Variants in SH3BP5 observed in about 807,000 individuals in gnomAD.
SH3BP5 encodes SH3 domain binding protein 5.
A neutral mutation model predicts 43.3 loss-of-function variants in SH3BP5; 22 were observed. That is an observed-to-expected ratio of 0.51 (90% CI 0.36 to 0.73). SH3BP5 has a LOEUF of 0.73. Ranked by LOEUF, SH3BP5 falls within the 30% of genes least tolerant of loss-of-function variation. SH3BP5 has a pLI of 0.00. For synonymous variants in SH3BP5, 255 were observed against 225.8 expected (o/e 1.13, Z -1.16); for missense variants, 529 against 586.9 (o/e 0.90, Z 1.02).
intron 2 of SH3BP5, among the ~76,000 whole-genome samples, chr3:15,323,163 T>TAAATAAATAAATAAAG (rs1481281253): frequency 1.4e-5 from 2 of 144,056 alleles, no homozygotes; most frequent in African/African-American, 5.1e-5. Context: ...AATAAATAAA[T>TAAATAAATAAATAAAG]AAAGCAGGGC....
rs112487644 is a variant in SH3BP5 at position 15,266,368 on chromosome 3, C to T, written c.495+3345G>A. ...ACCAGGAGAAGGGCTGGCCCTGCGT[C>T]GTGTCCTCTCCAGCAGCCACCTGGG... is the stretch of plus-strand genomic sequence containing the variant. On this transcript the variant is annotated intron_variant, in intron 4 of 8. Transcript: ENST00000383791. Among the ~76,000 whole-genome samples the T allele has an allele frequency of 1.3e-4, 20 of 152,338 alleles. 1 individual carries two copies. Among genetic ancestry groups the T allele is most frequent in the African/African-American group, 4.1e-4 (17 of 41,580 alleles).
intron 2 of SH3BP5, among the ~76,000 whole-genome samples, chr3:15,324,856 CA>C (rs373214083): frequency 0.17 from 19,275 of 114,124 alleles, 1,181 homozygotes; most frequent in East Asian, 0.24. Flanking sequence ...TCCTTGGGTC[CA>C]AAAAAAAAAA....
chr3:15,320,853 C>G (rs757407325), intron 2 of SH3BP5, among the ~76,000 whole-genome samples: 8 of 152,150 alleles, frequency 5.3e-5, no homozygotes, highest in Non-Finnish European at 1.0e-4. Context: ...ACCTTGAATA[C>G]AGCTGGGGAT....
intron 3 of SH3BP5, among the ~76,000 whole-genome samples, chr3:15,294,332 C>CGTGTGTGTGTGTATGTGTGT (rs1430741519): frequency 1.5e-5 from 2 of 133,736 alleles, no homozygotes; most frequent in African/African-American, 6.3e-5. Context: ...TGTGTGTGTG[C>CGTGTGTGTGTGTATGTGTGT]GCGCGCATGT....
At position 15,332,399 on chromosome 3, in the gene SH3BP5, C is replaced by G; in HGVS notation, c.10G>C (p.Ala4Pro). MDA[A>P]LKRSRSEEPA... ...TCCTCCGAGCGGCTCCGCTTCAGTGCCGCGTCCATGCAGGCAGCCGGCACG... is the reference window on the plus strand; with the variant it reads ...TCCTCCGAGCGGCTCCGCTTCAGTGGCGCGTCCATGCAGGCAGCCGGCACG... The change falls in exon 1 of 9, where the codon GCA becomes CCA. Residue 4 changes from alanine (A) to proline (P), a missense_variant. By Grantham distance (27) the Ala-to-Pro change is conservative (BLOSUM62 -1). Coordinates refer to ENST00000383791, the MANE Select transcript of SH3BP5 (RefSeq NM_004844.5). 6.5e-7 allele frequency: 1 copy of G among 1,535,520 alleles called. No individual in the cohort carries two copies. Among genetic ancestry groups the G allele is most frequent in the Non-Finnish European group, 8.7e-7 (1 of 1,146,312 alleles).
At chr3:15,272,113 A>G (rs756506282) in intron 3 of SH3BP5, among the ~76,000 whole-genome samples, 5 of 152,218 alleles carry the variant, frequency 3.3e-5, no homozygotes, top group Non-Finnish European at 5.9e-5. Flanking sequence ...GGAAGTCTTC[A>G]GAAACCACAG....
intron 1 of SH3BP5, among the ~76,000 whole-genome samples, chr3:15,340,268 A>G (rs538941030): frequency 6.6e-5 from 10 of 152,380 alleles, no homozygotes; most frequent in African/African-American, 2.2e-4. Flanking sequence ...TTACTCTGGA[A>G]GATAAAACTT....
At chr3:15,303,208 A>G (rs1221787969) in intron 3 of SH3BP5, among the ~76,000 whole-genome samples, 1 of 152,228 alleles carries the variant, frequency 6.6e-6, no homozygotes, top group Non-Finnish European at 1.5e-5. Flanking sequence ...GTCATTTGCT[A>G]GTGAACTACA....
intron 3 of SH3BP5, among the ~76,000 whole-genome samples, chr3:15,294,091 A>AG (rs1283846045): frequency 2.0e-5 from 3 of 151,464 alleles, no homozygotes; most frequent in African/African-American, 4.9e-5. Flanking sequence ...AAAAAAAAAA[A>AG]AAAAGAAAAG....
At chr3:15,280,398 A>T (rs1336153312) in intron 3 of SH3BP5, among the ~76,000 whole-genome samples, 1 of 152,154 alleles carries the variant, frequency 6.6e-6, no homozygotes, top group Non-Finnish European at 1.5e-5. Context: ...ACCCCACAAC[A>T]GCACCCCAGG....
chr3:15,294,290 A>AGTGTGTGTGT (rs10522979), intron 3 of SH3BP5, among the ~76,000 whole-genome samples: 3 of 138,234 alleles, frequency 2.2e-5, no homozygotes, highest in African/African-American at 5.4e-5. Flanking sequence ...TGCAAAAGTA[A>AGTGTGTGTGT]GTGTGTGTGT....
In SH3BP5 at chr3:15,321,249, A is replaced by T. The variant is rs1575348328; in HGVS notation, c.201+9255T>A. Reference sequence around the variant, plus strand: ...TAATATTTGGAATGTTTTCCATTATATCTTGATTTATTGTATTTTCTAAAT... The same window carrying T: ...TAATATTTGGAATGTTTTCCATTATTTCTTGATTTATTGTATTTTCTAAAT... On this transcript the variant is annotated intron_variant, in intron 2 of 8. Transcript: ENST00000383791. 2.0e-5 allele frequency among the ~76,000 whole-genome samples: 3 copies of T among 152,308 alleles called. No individual in the cohort carries two copies. In the South Asian group the frequency reaches 6.2e-4, roughly 32 times the overall value.
chr3:15,311,961 C>T (rs1320065262), intron 2 of SH3BP5, among the ~76,000 whole-genome samples: 1 of 152,144 alleles, frequency 6.6e-6, no homozygotes, highest in African/African-American at 2.4e-5. Context: ...TGAGCCACTG[C>T]AACCAGCCAT....
Position 15,258,906 on chromosome 3 carries a change from C to G in SH3BP5, c.814G>C (p.Gly272Arg). ...RSSAMGPRGC[G>R]VGAEGSSTSV... ...GTGCTGCTGCCCTCAGCACCAACAC[C>G]GCATCCCCGAGGCCCCATGGCACTG... is the stretch of plus-strand genomic sequence containing the variant. The change falls in exon 7 of 9, where the codon GGT becomes CGT. Residue 272 changes from glycine to arginine, a missense_variant. Transcript: ENST00000383791. The G allele has an allele frequency of 1.2e-6, 2 of 1,614,232 alleles. No individual in the cohort carries two copies. Among genetic ancestry groups the G allele is most frequent in the Non-Finnish European group, 1.7e-6 (2 of 1,180,042 alleles).
intron 3 of SH3BP5, among the ~76,000 whole-genome samples, chr3:15,298,479 G>A (rs999650685): frequency 2.0e-5 from 3 of 152,106 alleles, no homozygotes; most frequent in African/African-American, 4.8e-5. Context: ...TAAATAATCC[G>A]CACTATTTTG....
chr3:15,281,010 G>T (rs569678373), intron 3 of SH3BP5, among the ~76,000 whole-genome samples: 10 of 152,178 alleles, frequency 6.6e-5, no homozygotes, highest in Non-Finnish European at 1.0e-4. Flanking sequence ...CTGGAATATT[G>T]CACGCCGGGA....
chr3:15,283,848 G>A (rs1235025693), intron 3 of SH3BP5, among the ~76,000 whole-genome samples: 1 of 152,226 alleles, frequency 6.6e-6, no homozygotes, highest in Non-Finnish European at 1.5e-5. Flanking sequence ...AAAGGAGCCA[G>A]GACAGGGGTG....
intron 2 of SH3BP5, among the ~76,000 whole-genome samples, chr3:15,306,414 G>A (rs369710830): frequency 3.9e-4 from 59 of 152,030 alleles, no homozygotes; most frequent in African/African-American, 1.2e-3. Context: ...TGGCCAGGGC[G>A]GAAAGATCGC....
intron 3 of SH3BP5, among the ~76,000 whole-genome samples, chr3:15,281,392 T>A (rs6809607): frequency 0.023 from 3,426 of 152,130 alleles, 136 homozygotes; most frequent in African/African-American, 0.079. Context: ...GCAGAGTATA[T>A]CCCTGGCACC....
Sources: allele counts gnomAD v4.1 joint callset (sites outside exome capture counted in the v4.1 genomes callset), GRCh38; gene constraint gnomAD v4.1.1; transcripts MANE v1.5; gene names NCBI Gene and HGNC (gene_info 2026-07-23, HGNC 2026-07-21).